Variants in FOLH1 observed in about 807,000 individuals in gnomAD.
The protein encoded by FOLH1 is glutamate carboxypeptidase 2.
A neutral mutation model predicts 93.9 loss-of-function variants in FOLH1; 54 were observed. That is an observed-to-expected ratio of 0.57 (90% confidence interval 0.46 to 0.72). The LOEUF is 0.72. FOLH1 is among the 30% of genes least tolerant of loss of function. The pLI, the probability that FOLH1 is intolerant of heterozygous loss-of-function variation, is 0.00. For synonymous variants in FOLH1, 249 were observed against 303.6 expected (o/e 0.82, Z 1.87); for missense variants, 571 against 892.5 (o/e 0.64, Z 4.59).
rs771038429 is a variant in FOLH1, at chr11:49,208,287, C to T, written c.118+5G>A. The T allele has an allele frequency of 5.8e-6, 9 of 1,546,170 alleles. No individual in the cohort carries two copies. Among genetic ancestry groups the T allele is most frequent in the Non-Finnish European group, 7.9e-6 (9 of 1,140,918 alleles). On this transcript the variant is annotated splice_donor_5th_base_variant and intron_variant, in intron 1 of 18. Coordinates refer to ENST00000256999, the MANE Select transcript of FOLH1 (RefSeq NM_004476.3). Reference sequence around the variant, plus strand: ...CGAGGTTTGCTCCGCGAGGCGCCCCCCTACCGAAGAGGAAGCCGAGGAGAA... The same window carrying T: ...CGAGGTTTGCTCCGCGAGGCGCCCCTCTACCGAAGAGGAAGCCGAGGAGAA...
chr11:49,183,471 GC>G (rs1377496569), intron 6 of FOLH1, among the ~76,000 whole-genome samples: 1 of 152,060 alleles, frequency 6.6e-6, no homozygotes, highest in Non-Finnish European at 1.5e-5. Context: ...CTTTTGAAAA[GC>G]AATGTCAAGC....
At chr11:49,196,429 C>T (rs12802858) in intron 3 of FOLH1, among the ~76,000 whole-genome samples, 5 of 152,038 alleles carry the variant, frequency 3.3e-5, no homozygotes, top group Admixed American at 3.3e-4. Flanking sequence ...ATAAAACCTA[C>T]TTCAGAAAAT....
Position 49,145,499 on chromosome 11 carries a change from C to G in FOLH1, c.*1257G>C, listed in dbSNP as rs1412325827. ...TCCTTTGCCAAATTTGTAGTAGAGCCCCTCTGGCTTGACATTTCTTCATAA... is the reference window on the plus strand; with the variant it reads ...TCCTTTGCCAAATTTGTAGTAGAGCGCCTCTGGCTTGACATTTCTTCATAA... On this transcript the variant is annotated 3_prime_UTR_variant, in exon 19 of 19. Coordinates refer to ENST00000256999, the MANE Select transcript of FOLH1 (RefSeq NM_004476.3). Among the ~76,000 whole-genome samples, 1 of 152,108 alleles carries G rather than the reference C, an allele frequency of 6.6e-6. No individual in the cohort carries two copies. Among genetic ancestry groups the G allele is most frequent in the East Asian group, 1.9e-4 (1 of 5,174 alleles).
At chr11:49,204,516 G>C (rs369798726) in intron 2 of FOLH1, among the ~76,000 whole-genome samples, 5 of 152,208 alleles carry the variant, frequency 3.3e-5, no homozygotes, top group Middle Eastern at 3.4e-3. Context: ...ACCATACCTT[G>C]CCAGACCTCC....
chr11:49,149,112 G>T (rs1210465362), intron 17 of FOLH1, among the ~76,000 whole-genome samples: 2 of 151,996 alleles, frequency 1.3e-5, no homozygotes, highest in Non-Finnish European at 2.9e-5. Context: ...GGCCTGTCGT[G>T]GGGTGGGGTG....
intron 1 of FOLH1, chr11:49,206,634 T>TA (rs1864001406): frequency 1.8e-5 from 12 of 655,210 alleles, no homozygotes; most frequent in South Asian, 2.3e-5. Context: ...AATAAATAAA[T>TA]TATTTCCAAG....
rs1590726226 is a variant in FOLH1 at position 49,208,280 on chromosome 11, G to T, written c.118+12C>A. ...AAGACTCCGAGGTTTGCTCCGCGAG[G>T]CGCCCCCCTACCGAAGAGGAAGCCG... On this transcript the variant is annotated intron_variant, in intron 1 of 18. Coordinates refer to ENST00000256999, the MANE Select transcript of FOLH1 (RefSeq NM_004476.3). The T allele has an allele frequency of 8.5e-6, 13 of 1,522,344 alleles. No individual in the cohort carries two copies. The highest frequency in any genetic ancestry group is 1.2e-5 in the Non-Finnish European group (13 of 1,125,734). The allele number at this position is 1,522,344 out of a possible 1,614,324, so 94.3% of individuals were successfully genotyped here.
intron 17 of FOLH1, among the ~76,000 whole-genome samples, 162 bp downstream of exon 17, chr11:49,153,684 C>T (rs145844673): frequency 6.6e-6 from 1 of 151,984 alleles, no homozygotes; most frequent in East Asian, 1.9e-4. Context: ...CAAACCTGCA[C>T]GTTCTGTCCA....
chr11:49,150,598 T>A (rs1185368858), intron 17 of FOLH1, among the ~76,000 whole-genome samples: 1 of 152,198 alleles, frequency 6.6e-6, no homozygotes, highest in Non-Finnish European at 1.5e-5. Flanking sequence ...AAGCTAAACC[T>A]ATTATGAACA....
Position 49,158,019 on chromosome 11 carries a change from C to T in FOLH1, c.1465G>A (p.Glu489Lys). 1.9e-6 allele frequency: 3 copies of T among 1,596,214 alleles called. No individual in the cohort carries two copies. Among genetic ancestry groups the T allele is most frequent in the Non-Finnish European group, 2.6e-6 (3 of 1,169,654 alleles). Residue 489 changes from glutamate (E) to lysine (K), a missense_variant, in exon 14 of 19, where the codon GAA (glutamate) becomes AAA (lysine). By Grantham distance (56) the Glu-to-Lys change is moderately conservative. Transcript: ENST00000256999. ...KELKSPDEGF[E>K]GKSLYESWTK... is the part of the protein sequence containing the mutation. ...CAACTTTCATAAAGAGATTTGCCTT[C>T]AAAGCCTTCATCAGGGCTTTTCAGC...
At chr11:49,191,238 T>G (rs1418239087) in intron 4 of FOLH1, among the ~76,000 whole-genome samples, 1 of 152,202 alleles carries the variant, frequency 6.6e-6, no homozygotes, top group African/African-American at 2.4e-5. Context: ...GGTCTGGATC[T>G]CCTGACCTCT....
At chr11:49,196,888 T>C (rs1013381594) in intron 3 of FOLH1, among the ~76,000 whole-genome samples, 7 of 152,214 alleles carry the variant, frequency 4.6e-5, no homozygotes, top group African/African-American at 1.7e-4. Context: ...TCTTGGTCAG[T>C]GCAGTAATAC....
At chr11:49,172,970 T>C (rs1859531564) in intron 10 of FOLH1, among the ~76,000 whole-genome samples, 1 of 152,160 alleles carries the variant, frequency 6.6e-6, no homozygotes, top group Non-Finnish European at 1.5e-5. Context: ...TTTGTACACG[T>C]AATCTGAGGT....
chr11:49,196,440 A>G (rs948073154), intron 3 of FOLH1, among the ~76,000 whole-genome samples: 29 of 152,292 alleles, frequency 1.9e-4, no homozygotes, highest in African/African-American at 6.7e-4. Flanking sequence ...TTCAGAAAAT[A>G]TTAAAAACCC....
At chr11:49,173,208 A>G in intron 10 of FOLH1, 149 bp downstream of exon 10, 1 of 733,178 alleles carries the variant, frequency 1.4e-6, no homozygotes. Context: ...TAAATAAACA[A>G]TATAATTAAC....
At chr11:49,191,214 G>T (rs1402208220) in intron 4 of FOLH1, among the ~76,000 whole-genome samples, 1 of 152,166 alleles carries the variant, frequency 6.6e-6, no homozygotes, top group Non-Finnish European at 1.5e-5. Flanking sequence ...GGGTTTCACC[G>T]TGTTAGCTAG....
chr11:49,181,587 C>T (rs528338425), intron 7 of FOLH1, among the ~76,000 whole-genome samples: 3 of 151,978 alleles, frequency 2.0e-5, no homozygotes, highest in Non-Finnish European at 2.9e-5. Flanking sequence ...TATTCGAGTA[C>T]ATATAAATTG....
chr11:49,160,393 C>G (rs905177283), intron 13 of FOLH1, among the ~76,000 whole-genome samples: 2 of 151,866 alleles, frequency 1.3e-5, no homozygotes, highest in African/African-American at 2.4e-5. Flanking sequence ...CTTTTGTTCT[C>G]TAGTATATTT....
At chr11:49,165,072 T>A (rs1858209088) in intron 12 of FOLH1, among the ~76,000 whole-genome samples, 2 of 152,184 alleles carry the variant, frequency 1.3e-5, no homozygotes, top group Non-Finnish European at 2.9e-5. Context: ...CTGCATTATA[T>A]CTGCATGACT....
Sources: gnomAD v4.1 joint callset for allele counts (sites outside exome capture counted in the v4.1 genomes callset) on GRCh38, gnomAD v4.1.1 for gene constraint, MANE v1.5 for transcripts, NCBI Gene and HGNC (gene_info 2026-07-23, HGNC 2026-07-21) for gene names.